SNTB2: variants seen among roughly 807,000 people sequenced by gnomAD.
The protein encoded by SNTB2 is syntrophin beta 2.
Under a neutral mutation model 46.2 loss-of-function variants are expected in SNTB2, and 34 were observed. That is an observed-to-expected ratio of 0.74 (90% confidence interval 0.56 to 0.98). The LOEUF (loss-of-function observed/expected upper bound fraction) is 0.98, where lower values mean the gene tolerates loss of function less well. SNTB2 is among the 50% of genes least tolerant of loss of function. The pLI is 0.00. For missense variants in SNTB2, 603 were observed against 731.4 expected (o/e 0.82, Z 2.02); for synonymous variants, 290 against 312.6 (o/e 0.93, Z 0.76).
At chr16:69,228,588 G>A (rs1964479610) in intron 1 of SNTB2, among the ~76,000 whole-genome samples, 1 of 150,356 alleles carries the variant, frequency 6.7e-6, no homozygotes, top group African/African-American at 2.5e-5. Context: ...AAATCACAAC[G>A]TTTGTAATTG....
At chr16:69,269,565 G>A (rs1964919141) in intron 3 of SNTB2, among the ~76,000 whole-genome samples, 1 of 152,000 alleles carries the variant, frequency 6.6e-6, no homozygotes, top group African/African-American at 2.4e-5. Context: ...AAATAAGAGA[G>A]TTGTGTTATT....
chr16:69,207,912 A>G (rs1964240405), intron 1 of SNTB2, among the ~76,000 whole-genome samples: 1 of 150,828 alleles, frequency 6.6e-6, no homozygotes, highest in African/African-American at 2.4e-5. Flanking sequence ...GTTCGAGACC[A>G]GCCTGGCCAA....
intron 1 of SNTB2, among the ~76,000 whole-genome samples, chr16:69,204,934 T>C (rs1964198983): frequency 6.6e-6 from 1 of 152,216 alleles, no homozygotes; most frequent in Admixed American, 6.5e-5. Context: ...ATGTTACTGC[T>C]GTGTGCATTG....
chr16:69,205,299 G>A (rs376620994), intron 1 of SNTB2, among the ~76,000 whole-genome samples: 1 of 149,306 alleles, frequency 6.7e-6, no homozygotes, highest in Non-Finnish European at 1.5e-5. Context: ...ACAGGCACGC[G>A]CCACCACGCT....
intron 1 of SNTB2, among the ~76,000 whole-genome samples, chr16:69,202,333 A>T (rs1242479392): frequency 1.3e-5 from 2 of 150,950 alleles, no homozygotes; most frequent in African/African-American, 5.0e-5. Context: ...TTCTTAGTTT[A>T]TAATGGAAAA....
intron 1 of SNTB2, among the ~76,000 whole-genome samples, chr16:69,211,320 C>T (rs1964284046): frequency 6.6e-6 from 1 of 151,698 alleles, no homozygotes; most frequent in Non-Finnish European, 1.5e-5. Context: ...TTTTATTAAC[C>T]ATTTCAAATG....
intron 2 of SNTB2, among the ~76,000 whole-genome samples, chr16:69,259,236 A>ATTTT (rs58387978): frequency 2.0e-4 from 14 of 69,186 alleles, no homozygotes; most frequent in Admixed American, 4.9e-4. Context: ...GGTCTTTCTG[A>ATTTT]TTTTTTTTTT....
intron 1 of SNTB2, among the ~76,000 whole-genome samples, chr16:69,212,669 T>C (rs1597174360): frequency 6.7e-6 from 1 of 149,422 alleles, no homozygotes; most frequent in East Asian, 2.0e-4. Flanking sequence ...AGTTTCACTC[T>C]TGTTGCCCTG....
intron 1 of SNTB2, among the ~76,000 whole-genome samples, chr16:69,225,587 G>C (rs1454928881): frequency 6.6e-6 from 1 of 152,152 alleles, no homozygotes; most frequent in Admixed American, 6.5e-5. Context: ...CACCTCTATA[G>C]CATGTATCAT....
intron 4 of SNTB2, among the ~76,000 whole-genome samples, chr16:69,276,822 T>C (rs971325022): frequency 2.6e-5 from 4 of 152,178 alleles, no homozygotes; most frequent in Non-Finnish European, 4.4e-5. Context: ...CACGAAACTG[T>C]TTTGGGAGTC....
chr16:69,199,349 G>A (rs1250186305), intron 1 of SNTB2, among the ~76,000 whole-genome samples: 1 of 152,148 alleles, frequency 6.6e-6, no homozygotes, highest in African/African-American at 2.4e-5. Flanking sequence ...TTATGTTGTA[G>A]ATTTGCAGAT....
At chr16:69,221,486 T>C (rs1964403435) in intron 1 of SNTB2, among the ~76,000 whole-genome samples, 1 of 152,078 alleles carries the variant, frequency 6.6e-6, no homozygotes, top group Admixed American at 6.6e-5. Flanking sequence ...AAGAAATTCA[T>C]TATGTCAGAC....
In SNTB2 at chr16:69,284,313, A is replaced by G. The variant is rs1255733418; in HGVS notation, c.1345+69A>G. On this transcript the variant is annotated intron_variant, in intron 5 of 6. Transcript: ENST00000336278. ...CTGTTATATAGTCATGTGCTGCATA[A>G]TGACATTTCAGTCAGTGATGGATTG... The G allele has an allele frequency of 5.2e-6, 7 of 1,347,508 alleles. No individual in the cohort carries two copies. In the East Asian group the frequency reaches 9.7e-5, roughly 19 times the overall value. The allele number at this position is 1,347,508 out of a possible 1,614,324, so 83.5% of individuals were successfully genotyped here.
intron 1 of SNTB2, chr16:69,240,638 G>A (rs1410104700): frequency 1.3e-5 from 2 of 152,210 alleles, no homozygotes; most frequent in African/African-American, 4.8e-5. Flanking sequence ...ATAATGTTGT[G>A]TGACTAACTT....
intron 4 of SNTB2, 26 bp from the exon 5 acceptor site, chr16:69,284,022 G>C (rs766450672): frequency 2.6e-6 from 4 of 1,552,820 alleles, no homozygotes; most frequent in Non-Finnish European, 2.6e-6. Flanking sequence ...AGTTACTTTT[G>C]ATCTCTGCTC....
chr16:69,274,411 T>C (rs1471291893), intron 4 of SNTB2, among the ~76,000 whole-genome samples: 5 of 152,052 alleles, frequency 3.3e-5, no homozygotes, highest in African/African-American at 1.2e-4. Flanking sequence ...CCCAGCACTT[T>C]GGGAGGCCAC....
intron 1 of SNTB2, among the ~76,000 whole-genome samples, chr16:69,198,252 T>C (rs1964124830): frequency 6.6e-6 from 1 of 151,600 alleles, no homozygotes. Context: ...GGGACTACAG[T>C]CCTACACCAC....
At chr16:69,197,349 A>G (rs12708893) in intron 1 of SNTB2, among the ~76,000 whole-genome samples, 18,403 of 152,146 alleles carry the variant, frequency 0.12, 1,274 homozygotes, top group Middle Eastern at 0.23. Context: ...TTAGAGGGGA[A>G]AGGCATGTCT....
At chr16:69,278,074 T>G (rs962704461) in intron 4 of SNTB2, among the ~76,000 whole-genome samples, 5 of 152,092 alleles carry the variant, frequency 3.3e-5, no homozygotes, top group African/African-American at 1.2e-4. Flanking sequence ...CCCAACTACT[T>G]GGGAGGCTGA....
Sources: allele counts gnomAD v4.1 joint callset (sites outside exome capture counted in the v4.1 genomes callset), GRCh38; gene constraint gnomAD v4.1.1; transcripts MANE v1.5; gene names NCBI Gene and HGNC (gene_info 2026-07-23, HGNC 2026-07-21).